The following TLN2 variants were observed in gnomAD, a reference collection of about 807,000 sequenced individuals.
TLN2 encodes talin 2.
TLN2 carries 118 observed loss-of-function variants against 294.7 expected under a neutral mutation model. The observed-to-expected ratio is 0.40, with a 90% CI of 0.34 to 0.47. The LOEUF (loss-of-function observed/expected upper bound fraction) is 0.47. Ranked by LOEUF, TLN2 falls within the 20% of genes least tolerant of loss-of-function variation. The pLI is 0.84. For missense variants in TLN2, 3,083 were observed against 3,282.2 expected (o/e 0.94, Z 1.48); for synonymous variants, 1,431 against 1,304.5 (o/e 1.10, Z -2.09).
intron 9 of TLN2, among the ~76,000 whole-genome samples, chr15:62,665,143 G>GCCT (rs2054450598): frequency 6.6e-6 from 1 of 152,032 alleles, no homozygotes; most frequent in African/African-American, 2.4e-5. Flanking sequence ...CGCCATCTTA[G>GCCT]CCTCCACCTC....
intron 51 of TLN2, 128 bp from the exon 52 acceptor site, chr15:62,809,797 T>G: frequency 3.9e-6 from 3 of 776,022 alleles, no homozygotes; most frequent in Non-Finnish European, 4.4e-6. Flanking sequence ...GAGAGATACC[T>G]CTTCTGTCCA....
chr15:62,503,904 G>C (rs1050938409), intron 1 of TLN2, among the ~76,000 whole-genome samples: 2 of 152,056 alleles, frequency 1.3e-5, no homozygotes, highest in African/African-American at 4.8e-5. Flanking sequence ...TTAGTTTTCA[G>C]TGAACTGTAC....
At chr15:62,582,667 G>A (rs1168903477) in intron 1 of TLN2, among the ~76,000 whole-genome samples, 1 of 152,158 alleles carries the variant, frequency 6.6e-6, no homozygotes, top group Non-Finnish European at 1.5e-5. Flanking sequence ...TGGCTTAGTG[G>A]TGGTAGAGCA....
intron 9 of TLN2, among the ~76,000 whole-genome samples, chr15:62,667,029 G>GCA (rs1263273657): frequency 6.6e-6 from 1 of 152,098 alleles, no homozygotes; most frequent in East Asian, 1.9e-4. Context: ...GCAGTGGCAT[G>GCA]ATCTCGGCTC....
intron 32 of TLN2, among the ~76,000 whole-genome samples, chr15:62,742,024 G>GTGTGTGTGTGTGTGTGTGT (rs1491242073): frequency 7.3e-5 from 6 of 82,278 alleles, no homozygotes; most frequent in Non-Finnish European, 2.6e-5. Flanking sequence ...CTTGTAGTGG[G>GTGTGTGTGTGTGTGTGTGT]GTGTGTGTGT....
In TLN2 at chr15:62,820,547, T is replaced by G. The variant is rs2067475423; in HGVS notation, c.6939T>G (p.Ala2313=). ...TVIAETELLG[A]AASIEAAAKK... is the part of the protein sequence containing the mutation. Reference sequence around the variant, plus strand: ...TTGCAGAAACAGAGTTACTGGGGGCTGCAGCATCCATCGAAGCTGCTGCTA... The same window carrying G: ...TTGCAGAAACAGAGTTACTGGGGGCGGCAGCATCCATCGAAGCTGCTGCTA... The change falls in exon 54 of 59, where the codon GCT becomes GCG. Residue 2313 remains alanine (A), a synonymous_variant. Transcript: ENST00000636159. 1 of 1,613,878 alleles carries G rather than the reference T, an allele frequency of 6.2e-7. No individual in the cohort carries two copies. Among genetic ancestry groups the G allele is most frequent in the Non-Finnish European group, 8.5e-7 (1 of 1,179,934 alleles).
intron 1 of TLN2, among the ~76,000 whole-genome samples, chr15:62,508,072 A>G (rs1401845216): frequency 6.6e-6 from 1 of 152,124 alleles, no homozygotes; most frequent in African/African-American, 2.4e-5. Context: ...TTTCTACAGT[A>G]GCTCTCTGAA....
At chr15:62,484,331 A>T (rs2038267380) in intron 1 of TLN2, among the ~76,000 whole-genome samples, 1 of 152,218 alleles carries the variant, frequency 6.6e-6, no homozygotes, top group Admixed American at 6.5e-5. Context: ...TATCCTACGA[A>T]ACAAGAGCAG....
chr15:62,538,734 G>A (rs1186967669), intron 1 of TLN2, among the ~76,000 whole-genome samples: 2 of 152,164 alleles, frequency 1.3e-5, no homozygotes, highest in Non-Finnish European at 2.9e-5. Flanking sequence ...CTCTTTCTAT[G>A]TAAGGAAGTA....
chr15:62,766,484 T>C, intron 41 of TLN2, 62 bp downstream of exon 41: 1 of 1,479,422 alleles, frequency 6.8e-7, no homozygotes. Flanking sequence ...GAGGGTTTTA[T>C]TGACTTTACT....
At chr15:62,725,323 G>T (rs779923651) in intron 27 of TLN2, among the ~76,000 whole-genome samples, 6 of 152,120 alleles carry the variant, frequency 3.9e-5, no homozygotes, top group Non-Finnish European at 7.4e-5. Context: ...AGCTGTGCAC[G>T]CGTCCCATAT....
At chr15:62,564,519 C>T (rs556694452) in intron 1 of TLN2, among the ~76,000 whole-genome samples, 127 of 152,312 alleles carry the variant, frequency 8.3e-4, no homozygotes, top group Non-Finnish European at 1.4e-3. Flanking sequence ...AGGTTAGCTG[C>T]ACCCCTGGAT....
chr15:62,574,254 G>A (rs1333673247), intron 1 of TLN2, among the ~76,000 whole-genome samples: 3 of 149,308 alleles, frequency 2.0e-5, no homozygotes, highest in Non-Finnish European at 3.0e-5. Flanking sequence ...AATTTTTTTT[G>A]CCTTTAACTT....
rs141648172 is a variant in TLN2 at position 62,569,070 on chromosome 15, C to T, written c.-237-20617C>T. On this transcript the variant is annotated intron_variant, in intron 1 of 58. Coordinates refer to ENST00000636159, the MANE Select transcript of TLN2 (RefSeq NM_015059.3). The stretch of plus-strand genomic sequence containing the variant: ...GCTGCTGGTGGCTCCATGCCTTCCT[C>T]GTCTTGTGTCTGTGTCACGCCGCAC... Among the ~76,000 whole-genome samples, 198 of 152,276 alleles carry T rather than the reference C, an allele frequency of 1.3e-3. 1 individual carries two copies. Among genetic ancestry groups the T allele is most frequent in the South Asian group, 5.6e-3 (27 of 4,824 alleles).
At chr15:62,406,984 A>G (rs1187096263) in intron 1 of TLN2, among the ~76,000 whole-genome samples, 4 of 152,080 alleles carry the variant, frequency 2.6e-5, no homozygotes, top group South Asian at 2.1e-4. Flanking sequence ...GTACAATTCA[A>G]CCTGTAACAC....
chr15:62,399,256 C>CA (rs546678440), intron 1 of TLN2, among the ~76,000 whole-genome samples: 16,054 of 57,516 alleles, frequency 0.28, 4,319 homozygotes, highest in East Asian at 0.58. Context: ...CCGTCTCAAA[C>CA]AAAAAAAAAA....
At chr15:62,762,844 G>C (rs181400395) in intron 39 of TLN2, among the ~76,000 whole-genome samples, 1 of 152,144 alleles carries the variant, frequency 6.6e-6, no homozygotes, top group African/African-American at 2.4e-5. Context: ...ATTGAGCACC[G>C]TTGTTTATTT....
intron 1 of TLN2, among the ~76,000 whole-genome samples, chr15:62,532,438 TC>T (rs1304206467): frequency 6.6e-6 from 1 of 152,126 alleles, no homozygotes; most frequent in Non-Finnish European, 1.5e-5. Flanking sequence ...TCATGAACTT[TC>T]ATCAGGCCAG....
intron 1 of TLN2, among the ~76,000 whole-genome samples, chr15:62,426,419 C>T (rs1294722972): frequency 2.0e-5 from 3 of 152,332 alleles, no homozygotes; most frequent in Middle Eastern, 3.4e-3. Context: ...AGGTCTGTAC[C>T]TCAGTGCCTT....
Sources: allele counts gnomAD v4.1 joint callset (sites outside exome capture counted in the v4.1 genomes callset), GRCh38; gene constraint gnomAD v4.1.1; transcripts MANE v1.5; gene names NCBI Gene and HGNC (gene_info 2026-07-23, HGNC 2026-07-21).